The following PITPNC1 variants were observed in gnomAD, a reference collection of about 807,000 sequenced individuals.
PITPNC1 encodes the protein cytoplasmic phosphatidylinositol transfer protein 1.
Under a neutral mutation model 44.7 loss-of-function variants are expected in PITPNC1, and 18 were observed. The observed-to-expected ratio is 0.40, with a 90% CI of 0.28 to 0.60. The LOEUF (loss-of-function observed/expected upper bound fraction) is 0.60, where lower values mean the gene tolerates loss of function less well. Ranked by LOEUF, PITPNC1 falls within the 20% of genes least tolerant of loss-of-function variation. The pLI, the probability that PITPNC1 is intolerant of heterozygous loss-of-function variation, is 0.39. For missense variants in PITPNC1, 290 were observed against 418.4 expected (o/e 0.69, Z 2.68); for synonymous variants, 141 against 149.6 (o/e 0.94, Z 0.42).
chr17:67,413,665 C>G (rs968100334), intron 1 of PITPNC1, among the ~76,000 whole-genome samples: 3 of 152,100 alleles, frequency 2.0e-5, no homozygotes, highest in Non-Finnish European at 4.4e-5. Flanking sequence ...CATGCTTCAA[C>G]AAGCCAGAGA....
intron 4 of PITPNC1, among the ~76,000 whole-genome samples, chr17:67,568,825 G>A (rs1392701529): frequency 6.6e-6 from 1 of 152,200 alleles, no homozygotes; most frequent in African/African-American, 2.4e-5. Flanking sequence ...GAAATACACT[G>A]TCATAGAGAA....
intron 4 of PITPNC1, among the ~76,000 whole-genome samples, chr17:67,575,795 C>CTTCTTTCTTTCTTTCT (rs1191296746): frequency 7.6e-6 from 1 of 130,944 alleles, no homozygotes; most frequent in African/African-American, 3.2e-5. Context: ...TCTTTCTTTC[C>CTTCTTTCTTTCTTTCT]TTCTTTCTTT....
intron 1 of PITPNC1, among the ~76,000 whole-genome samples, chr17:67,448,948 A>G (rs1283006344): frequency 6.6e-6 from 1 of 152,164 alleles, no homozygotes; most frequent in East Asian, 1.9e-4. Context: ...TGTATTTTTA[A>G]TAGAGACGGG....
At chr17:67,686,610 A>G (rs2042820600) in intron 8 of PITPNC1, among the ~76,000 whole-genome samples, 1 of 152,148 alleles carries the variant, frequency 6.6e-6, no homozygotes, top group African/African-American at 2.4e-5. Flanking sequence ...CCTGCCTCCT[A>G]TAACAGCAAT....
chr17:67,659,309 C>T (rs1474970342), intron 6 of PITPNC1, among the ~76,000 whole-genome samples: 1 of 152,184 alleles, frequency 6.6e-6, no homozygotes, highest in Non-Finnish European at 1.5e-5. Flanking sequence ...ATCTGCTCTT[C>T]ATGATGTGAG....
chr17:67,579,004 G>A (rs1453073834), intron 5 of PITPNC1, among the ~76,000 whole-genome samples: 2 of 152,234 alleles, frequency 1.3e-5, no homozygotes, highest in Non-Finnish European at 1.5e-5. Context: ...AAAGAGAAAA[G>A]GAAATAGAAT....
intron 1 of PITPNC1, among the ~76,000 whole-genome samples, chr17:67,407,667 G>A (rs769374901): frequency 2.2e-4 from 34 of 151,830 alleles, no homozygotes; most frequent in South Asian, 4.2e-4. Context: ...CTGGGTGCGT[G>A]TAATCCCAGC....
At chr17:67,472,174 G>A (rs555734064) in intron 1 of PITPNC1, among the ~76,000 whole-genome samples, 2 of 151,832 alleles carry the variant, frequency 1.3e-5, no homozygotes, top group South Asian at 2.1e-4. Flanking sequence ...TGGTTAAGGC[G>A]TTGTCTACCA....
At chr17:67,479,731 G>C (rs534488777) in intron 1 of PITPNC1, among the ~76,000 whole-genome samples, 3 of 152,092 alleles carry the variant, frequency 2.0e-5, no homozygotes, top group African/African-American at 7.2e-5. Flanking sequence ...ATATCCTGCC[G>C]TCTGATTTCT....
intron 1 of PITPNC1, among the ~76,000 whole-genome samples, chr17:67,438,469 C>T (rs1423489432): frequency 6.6e-6 from 1 of 152,130 alleles, no homozygotes; most frequent in Non-Finnish European, 1.5e-5. Flanking sequence ...GCACCTGTCA[C>T]CATGCCTGGC....
chr17:67,395,703 G>A (rs1051392798), intron 1 of PITPNC1, among the ~76,000 whole-genome samples: 8 of 152,084 alleles, frequency 5.3e-5, no homozygotes, highest in East Asian at 1.9e-4. Flanking sequence ...TAAAAGTGAC[G>A]CAGTGGATGA....
chr17:67,545,908 A>C (rs2040673717), intron 2 of PITPNC1, among the ~76,000 whole-genome samples: 1 of 152,092 alleles, frequency 6.6e-6, no homozygotes, highest in African/African-American at 2.4e-5. Context: ...CACAATAGCC[A>C]TAATAAAGAA....
intron 8 of PITPNC1, among the ~76,000 whole-genome samples, chr17:67,680,046 A>G (rs1195240285): frequency 6.6e-6 from 1 of 152,132 alleles, no homozygotes; most frequent in Admixed American, 6.5e-5. Flanking sequence ...CATGAAAGTG[A>G]CTTAGAAATC....
Position 67,524,279 on chromosome 17 carries a change from C to T in PITPNC1, c.49-8523C>T, listed in dbSNP as rs145300681. On this transcript the variant is annotated intron_variant, in intron 1 of 8. Coordinates refer to ENST00000581322, the MANE Select transcript of PITPNC1 (RefSeq NM_012417.4). ...GCAACATAGCAAGATACCATCTCTA[C>T]AGAAAAAATACAAAACTTAGCTGGA... Among the ~76,000 whole-genome samples, 654 of 152,000 alleles carry T rather than the reference C, an allele frequency of 4.3e-3. 3 individuals are homozygous for T. The highest frequency in any genetic ancestry group is 0.015 in the African/African-American group (635 of 41,448).
At chr17:67,509,833 T>G (rs1054730551) in intron 1 of PITPNC1, among the ~76,000 whole-genome samples, 1 of 152,082 alleles carries the variant, frequency 6.6e-6, no homozygotes, top group Non-Finnish European at 1.5e-5. Context: ...GAGTTTTTAT[T>G]TGGGGGAATT....
At chr17:67,620,109 A>G (rs2041811182) in intron 5 of PITPNC1, among the ~76,000 whole-genome samples, 1 of 152,092 alleles carries the variant, frequency 6.6e-6, no homozygotes, top group East Asian at 1.9e-4. Flanking sequence ...ACTGGAGTGC[A>G]GTGGCTCTGT....
At chr17:67,493,019 AT>A (rs1465102520) in intron 1 of PITPNC1, among the ~76,000 whole-genome samples, 1 of 152,170 alleles carries the variant, frequency 6.6e-6, no homozygotes, top group African/African-American at 2.4e-5. Context: ...CAGGAGCTGA[AT>A]TGTTGGGTCA....
At chr17:67,384,601 A>G (rs1006614910) in intron 1 of PITPNC1, among the ~76,000 whole-genome samples, 1 of 151,688 alleles carries the variant, frequency 6.6e-6, no homozygotes, top group African/African-American at 2.4e-5. Context: ...GATTTTTTGT[A>G]TTTTTAGTAG....
chr17:67,555,713 G>A (rs2040829989), intron 4 of PITPNC1, among the ~76,000 whole-genome samples: 3 of 150,948 alleles, frequency 2.0e-5, no homozygotes, highest in Non-Finnish European at 2.9e-5. Flanking sequence ...GTGTGGTGGC[G>A]GGCGCCTATA....
Sources: allele counts gnomAD v4.1 joint callset (sites outside exome capture counted in the v4.1 genomes callset), GRCh38; gene constraint gnomAD v4.1.1; transcripts MANE v1.5; gene names NCBI Gene and HGNC (gene_info 2026-07-23, HGNC 2026-07-21).